The following ZFAT variants were observed in gnomAD, a reference collection of about 807,000 sequenced individuals.
ZFAT encodes the protein zinc finger and AT-hook domain containing, also known as zinc finger protein ZFAT.
In ZFAT, 64 loss-of-function variants were observed where a neutral mutation model predicts 117.7. The ratio of observed to expected loss-of-function variants is 0.54; its 90% CI spans 0.44 to 0.67. ZFAT has a LOEUF of 0.67. ZFAT is among the 30% of genes least tolerant of loss of function. The pLI, the probability that ZFAT is intolerant of heterozygous loss-of-function variation, is 0.00. For synonymous variants in ZFAT, 679 were observed against 615.0 expected, an observed-to-expected ratio of 1.10 and a Z score of -1.54; for missense variants, 1,433 against 1,584.5, an observed-to-expected ratio of 0.90 and a Z score of 1.62.
At position 134,532,905 on chromosome 8, in the gene ZFAT, C is replaced by T; in HGVS notation, c.3044G>A (p.Arg1015Lys). Reference sequence around the variant, plus strand: ...GGCATACTCCTCATTAGGGTGCTTCCTGTTGTAGTGCCGCTTCAGAGAGCC... The same window carrying T: ...GGCATACTCCTCATTAGGGTGCTTCTTGTTGTAGTGCCGCTTCAGAGAGCC... ...ISGSLKRHYNRKHPNEEYANV... is the reference protein window; with the variant it reads ...ISGSLKRHYNKKHPNEEYANV... Residue 1015 changes from arginine (R) to lysine (K), a missense_variant, in exon 12 of 16, where the codon AGG (arginine) becomes AAG (lysine). This residue lies in a region of ZFAT where 503 missense variants were observed against 543.4 expected (regional missense o/e 0.93). Transcript: ENST00000377838. 1 of 1,609,772 alleles carries T rather than the reference C, an allele frequency of 6.2e-7. No individual in the cohort carries two copies.
chr8:134,704,190 G>T (rs1586973909), intron 1 of ZFAT, among the ~76,000 whole-genome samples: 1 of 152,106 alleles, frequency 6.6e-6, no homozygotes, highest in Non-Finnish European at 1.5e-5. Context: ...CCCGAGGAAG[G>T]GTCTTCCCAA....
chr8:134,624,152 C>T (rs1829321616), intron 3 of ZFAT, among the ~76,000 whole-genome samples: 1 of 150,916 alleles, frequency 6.6e-6, no homozygotes, highest in Middle Eastern at 3.4e-3. Context: ...TTCTTCTCAG[C>T]CCCTAACGTG....
intron 5 of ZFAT, among the ~76,000 whole-genome samples, chr8:134,608,125 T>C (rs557129336): frequency 2.0e-5 from 3 of 152,222 alleles, no homozygotes; most frequent in Non-Finnish European, 4.4e-5. Context: ...AATGAAAGAC[T>C]TTCAAGGTGT....
At position 134,510,923 on chromosome 8, in the gene ZFAT, T is replaced by G. The variant is rs1378154450; in HGVS notation, c.3362-1174A>C. On this transcript the variant is annotated intron_variant, in intron 14 of 15. Transcript: ENST00000377838. ...TGTCAGGAGTGCAATTAGGAAACAG[T>G]GCAGAAAAGGGACGGGGTTCTCAGG... 4 of 152,194 alleles carry G rather than the reference T, an allele frequency of 2.6e-5. No individual in the cohort carries two copies. In the East Asian group the frequency reaches 7.7e-4, roughly 29 times the overall value. The allele number at this position is 152,194 out of a possible 1,614,324, so 9.4% of individuals were successfully genotyped here. A position where few individuals can be genotyped will look rare whatever the true frequency, so the allele number is the denominator to read the frequency against.
chr8:134,532,998 G>A (rs755583976), intron 11 of ZFAT, 26 bp from the exon 12 acceptor site: 4 of 1,582,072 alleles, frequency 2.5e-6, no homozygotes, highest in Non-Finnish European at 2.6e-6. Context: ...GGAGGGGTTA[G>A]GAAAGGTGAG....
At chr8:134,548,010 G>C (rs1822829810) in intron 11 of ZFAT, among the ~76,000 whole-genome samples, 1 of 152,204 alleles carries the variant, frequency 6.6e-6, no homozygotes, top group Non-Finnish European at 1.5e-5. Context: ...GACCAGGCAT[G>C]GCCCAGAAAC....
At position 134,712,839 on chromosome 8, in the gene ZFAT, G is replaced by A. The variant is rs1351597938; in HGVS notation, c.19+6C>T. 2 of 1,250,152 alleles carry A rather than the reference G, an allele frequency of 1.6e-6. No homozygotes were observed. The highest frequency in any genetic ancestry group is 1.1e-6 in the Non-Finnish European group (1 of 922,680). The allele number at this position is 1,250,152 out of a possible 1,614,324, so 77.4% of individuals were successfully genotyped here. The stretch of plus-strand genomic sequence containing the variant: ...CCGTCTCACCCCAACCCCCAGCCCG[G>A]CTCACCTGCCGCCCGCGTCTCCATG... On this transcript the variant is annotated splice_donor_region_variant and intron_variant, in intron 1 of 15. Coordinates refer to ENST00000377838, the MANE Select transcript of ZFAT (RefSeq NM_020863.4).
chr8:134,610,927 T>C (rs1563674070), intron 3 of ZFAT, among the ~76,000 whole-genome samples: 1 of 152,260 alleles, frequency 6.6e-6, no homozygotes, highest in African/African-American at 2.4e-5. Flanking sequence ...TCTTGTCTTG[T>C]CTTCATGAGG....
the ZFAT span, among the ~76,000 whole-genome samples, chr8:134,772,881 C>T: frequency 1.3e-5 from 2 of 151,806 alleles, no homozygotes; most frequent in Non-Finnish European, 2.9e-5. Flanking sequence ...TGTGAGACCT[C>T]ACCTCTACTA....
intron 10 of ZFAT, among the ~76,000 whole-genome samples, chr8:134,566,393 C>CAAAAAAAAAAAAAAAAAAAAAAAAAAAA (rs57041885): frequency 1.3e-5 from 1 of 77,298 alleles, no homozygotes; most frequent in African/African-American, 4.6e-5. Flanking sequence ...GACTCCAACT[C>CAAAAAAAAAAAAAAAAAAAAAAAAAAAA]AAAAAAAAAA....
chr8:134,711,396 G>A (rs1030306478), intron 1 of ZFAT, among the ~76,000 whole-genome samples: 3 of 152,224 alleles, frequency 2.0e-5, no homozygotes, highest in African/African-American at 7.2e-5. Context: ...GATTAGGGAT[G>A]CTCAACCTGT....
intron 1 of ZFAT, among the ~76,000 whole-genome samples, chr8:134,708,575 G>GA (rs1038692975): frequency 2.0e-5 from 3 of 151,212 alleles, no homozygotes; most frequent in Admixed American, 6.6e-5. Context: ...TGTGTTCCTT[G>GA]AAAAAAAAGG....
chr8:134,807,164 T>C, the ZFAT span, among the ~76,000 whole-genome samples: 1 of 152,214 alleles, frequency 6.6e-6, no homozygotes, highest in African/African-American at 2.4e-5. Flanking sequence ...TGTCAATCTA[T>C]CAAAAGCAGT....
At chr8:134,800,001 G>C in the ZFAT span, among the ~76,000 whole-genome samples, 1 of 152,084 alleles carries the variant, frequency 6.6e-6, no homozygotes, top group Admixed American at 6.5e-5. Context: ...AAACCACTGA[G>C]GTATGGAAAC....
chr8:134,810,272 T>C, the ZFAT span, among the ~76,000 whole-genome samples: 1 of 152,172 alleles, frequency 6.6e-6, no homozygotes, highest in African/African-American at 2.4e-5. Flanking sequence ...TCAGTCTCAA[T>C]ATATAAGCAA....
intron 1 of ZFAT, chr8:134,673,537 T>C (rs1563751417): frequency 1.0e-5 from 2 of 198,464 alleles, no homozygotes; most frequent in South Asian, 1.1e-4. Context: ...TGTACTTTTC[T>C]TTCTTGCTGG....
chr8:134,799,069 T>C, the ZFAT span, among the ~76,000 whole-genome samples: 1 of 152,168 alleles, frequency 6.6e-6, no homozygotes, highest in African/African-American at 2.4e-5. Context: ...GCTATGCACC[T>C]AAGTACAGAA....
intron 15 of ZFAT, among the ~76,000 whole-genome samples, chr8:134,509,093 C>A (rs1230238402): frequency 6.6e-6 from 1 of 152,128 alleles, no homozygotes. Context: ...GGAAATGAGC[C>A]AAGCAGATAA....
intron 1 of ZFAT, among the ~76,000 whole-genome samples, chr8:134,663,501 G>A (rs1832045984): frequency 1.3e-5 from 2 of 151,944 alleles, no homozygotes; most frequent in Non-Finnish European, 2.9e-5. Flanking sequence ...CACTTCGGGA[G>A]GGCAAGGTGG....
Sources: gnomAD v4.1 joint callset for allele counts (sites outside exome capture counted in the v4.1 genomes callset) on GRCh38, gnomAD v4.1.1 for gene constraint, gnomAD v4.1.1 regional missense constraint, MANE v1.5 for transcripts, NCBI Gene and HGNC (gene_info 2026-07-23, HGNC 2026-07-21) for gene names.